Variants in FLT1 observed in about 807,000 individuals in gnomAD.
FLT1 encodes the protein vascular endothelial growth factor receptor 1.
In FLT1, 49 loss-of-function variants were observed where a neutral mutation model predicts 156.3. The observed-to-expected ratio is 0.31, with a 90% CI of 0.25 to 0.40. The LOEUF (loss-of-function observed/expected upper bound fraction) is 0.40, where lower values mean the gene tolerates loss of function less well. Among genes scored for constraint, FLT1 ranks in the 10% least tolerant of loss-of-function variants. The pLI is 1.00. For missense variants in FLT1, 1,322 were observed against 1,637.2 expected (o/e 0.81, Z 3.32); for synonymous variants, 594 against 583.8 (o/e 1.02, Z -0.25).
At chr13:28,488,740 A>G (rs996115629) in intron 1 of FLT1, among the ~76,000 whole-genome samples, 20 of 152,174 alleles carry the variant, frequency 1.3e-4, no homozygotes, top group African/African-American at 2.4e-4. Flanking sequence ...ACCCATTTAT[A>G]TGAAGGGTTG....
chr13:28,476,129 GCA>G lies in FLT1; in HGVS notation c.65-8514_65-8513del, dbSNP rs10651628. The stretch of plus-strand genomic sequence containing the variant: ...TGTGCACATAAATACACACACACAT[GCA>G]CACACACACACACGCTTGCTGACAC... On this transcript the variant is annotated intron_variant, in intron 1 of 29. Coordinates refer to ENST00000282397, the MANE Select transcript of FLT1 (RefSeq NM_002019.4). Among the ~76,000 whole-genome samples, 644 of 151,138 alleles carry G rather than the reference GCA, an allele frequency of 4.3e-3. 2 individuals are homozygous for G. Among genetic ancestry groups the G allele is most frequent in the Non-Finnish European group, 7.7e-3 (519 of 67,616 alleles).
intron 14 of FLT1, among the ~76,000 whole-genome samples, chr13:28,384,639 A>G (rs1874245890): frequency 6.6e-6 from 1 of 152,100 alleles, no homozygotes; most frequent in Admixed American, 6.5e-5. Flanking sequence ...TGAATGCACT[A>G]TTTAAAGACT....
At chr13:28,349,502 A>T (rs1175221481) in intron 15 of FLT1, among the ~76,000 whole-genome samples, 1 of 152,028 alleles carries the variant, frequency 6.6e-6, no homozygotes, top group Non-Finnish European at 1.5e-5. Context: ...ATTCTTGCTT[A>T]TGCTGCAAAT....
chr13:28,333,971 AG>A, intron 18 of FLT1, 53 bp downstream of exon 18: 1 of 1,092,420 alleles, frequency 9.2e-7, no homozygotes, highest in Non-Finnish European at 1.4e-6. Flanking sequence ...ACCAACATTT[AG>A]GAAATGCAAA....
intron 10 of FLT1, among the ~76,000 whole-genome samples, chr13:28,422,627 C>G (rs887411385): frequency 2.0e-5 from 3 of 152,144 alleles, no homozygotes; most frequent in Non-Finnish European, 4.4e-5. Flanking sequence ...AGGAGGTGAT[C>G]AGAGCTCATG....
At chr13:28,482,401 C>G (rs531630285) in intron 1 of FLT1, among the ~76,000 whole-genome samples, 61 of 151,366 alleles carry the variant, frequency 4.0e-4, no homozygotes, top group Non-Finnish European at 7.1e-4. Context: ...TCACTCCAGC[C>G]TGGACAACAA....
intron 4 of FLT1, among the ~76,000 whole-genome samples, chr13:28,437,668 G>A (rs1748261351): frequency 6.6e-6 from 1 of 152,186 alleles, no homozygotes; most frequent in African/African-American, 2.4e-5. Context: ...AATATAGTAT[G>A]AAGAAAAGTT....
chr13:28,353,401 CG>C (rs1872790649), intron 15 of FLT1, among the ~76,000 whole-genome samples: 2 of 151,706 alleles, frequency 1.3e-5, no homozygotes, highest in South Asian at 4.2e-4. Flanking sequence ...GGTGAGACCC[CG>C]TCTCTACTAA....
intron 28 of FLT1, among the ~76,000 whole-genome samples, chr13:28,308,082 T>G (rs1377906688): frequency 6.6e-6 from 1 of 152,132 alleles, no homozygotes; most frequent in Non-Finnish European, 1.5e-5. Flanking sequence ...TCACCAGCAC[T>G]TCTTAAACAT....
Position 28,494,922 on chromosome 13 carries a change from C to T in FLT1, c.-79G>A, listed in dbSNP as rs146432383. ...ACCCGGCCGCCAGAGTCCGTCCTCTCGTTCGCCGCCGCCGGCCCCGCGCCC... is the reference window on the plus strand; with the variant it reads ...ACCCGGCCGCCAGAGTCCGTCCTCTTGTTCGCCGCCGCCGGCCCCGCGCCC... On this transcript the variant is annotated 5_prime_UTR_variant, in exon 1 of 30. Coordinates refer to ENST00000282397, the MANE Select transcript of FLT1 (RefSeq NM_002019.4). 6.3e-3 allele frequency: 7,302 copies of T among 1,167,492 alleles called. 28 individuals carry two copies. Among genetic ancestry groups the T allele is most frequent in the Non-Finnish European group, 7.8e-3 (6,687 of 859,028 alleles). 72.3% of individuals were successfully genotyped at this position (1,167,492 alleles called of 1,614,324 possible). A position where few individuals can be genotyped will look rare whatever the true frequency, so the allele number is the denominator to read the frequency against.
chr13:28,313,092 C>A (rs997480022), intron 25 of FLT1, among the ~76,000 whole-genome samples: 1 of 152,122 alleles, frequency 6.6e-6, no homozygotes, highest in Non-Finnish European at 1.5e-5. Context: ...GATCCTCCTG[C>A]CTTAGCCTCC....
intron 3 of FLT1, among the ~76,000 whole-genome samples, chr13:28,443,291 G>A (rs571404180): frequency 2.0e-5 from 3 of 152,182 alleles, no homozygotes; most frequent in Non-Finnish European, 2.9e-5. Context: ...AGAATGGAAC[G>A]ATGTCTATTT....
intron 25 of FLT1, among the ~76,000 whole-genome samples, chr13:28,316,278 T>A (rs943997875): frequency 6.6e-6 from 1 of 152,214 alleles, no homozygotes; most frequent in Non-Finnish European, 1.5e-5. Context: ...GACAGTGACT[T>A]TGCCCTTTGG....
At chr13:28,377,582 G>A (rs967733031) in intron 14 of FLT1, among the ~76,000 whole-genome samples, 1 of 152,114 alleles carries the variant, frequency 6.6e-6, no homozygotes, top group Admixed American at 6.6e-5. Context: ...CTAGATTTTT[G>A]GTTCTTCAGA....
chr13:28,475,675 T>G (rs1323692743), intron 1 of FLT1, among the ~76,000 whole-genome samples: 2 of 152,248 alleles, frequency 1.3e-5, no homozygotes, highest in Admixed American at 6.5e-5. Flanking sequence ...TTGCGATGCT[T>G]ATTCTTATAG....
At chr13:28,460,035 T>C (rs992277631) in intron 3 of FLT1, among the ~76,000 whole-genome samples, 2 of 152,228 alleles carry the variant, frequency 1.3e-5, no homozygotes, top group Admixed American at 6.5e-5. Context: ...TCCCTGCTGG[T>C]TCCATGGAGA....
chr13:28,335,226 T>A (rs1872071543), intron 17 of FLT1, among the ~76,000 whole-genome samples: 1 of 152,126 alleles, frequency 6.6e-6, no homozygotes, highest in Non-Finnish European at 1.5e-5. Flanking sequence ...AGTCAGTCTT[T>A]TTTTGGCTTT....
intron 29 of FLT1, 124 bp from the exon 30 acceptor site, chr13:28,303,492 A>AACC (rs1870601752): frequency 1.6e-6 from 1 of 626,366 alleles, no homozygotes; most frequent in Admixed American, 2.3e-5. Context: ...TGGTTTTGGA[A>AACC]CCCCCCCCCC....
At chr13:28,332,171 T>C (rs1052564886) in intron 18 of FLT1, among the ~76,000 whole-genome samples, 1 of 152,046 alleles carries the variant, frequency 6.6e-6, no homozygotes, top group Admixed American at 6.6e-5. Flanking sequence ...GAGGCTGCAG[T>C]GAACTATGAT....
Sources: gnomAD v4.1 joint callset for allele counts (sites outside exome capture counted in the v4.1 genomes callset) on GRCh38, gnomAD v4.1.1 for gene constraint, MANE v1.5 for transcripts, NCBI Gene and HGNC (gene_info 2026-07-23, HGNC 2026-07-21) for gene names.